The following KCNH1 variants were observed in gnomAD, a reference collection of about 807,000 sequenced individuals.
The protein encoded by KCNH1 is voltage-gated delayed rectifier potassium channel KCNH1.
KCNH1 carries 27 observed loss-of-function variants against 69.2 expected under a neutral mutation model. The ratio of observed to expected loss-of-function variants is 0.39; its 90% CI spans 0.29 to 0.54. The LOEUF (loss-of-function observed/expected upper bound fraction) is 0.54. Ranked by LOEUF, KCNH1 falls within the 20% of genes least tolerant of loss-of-function variation. The pLI is 0.68. For missense variants in KCNH1, 798 were observed against 1,261.6 expected, an observed-to-expected ratio of 0.63 and a Z score of 5.57; for synonymous variants, 456 against 487.7, an observed-to-expected ratio of 0.93 and a Z score of 0.86.
At chr1:210,709,146 G>C (rs1681990382) in intron 10 of KCNH1, among the ~76,000 whole-genome samples, 1 of 152,188 alleles carries the variant, frequency 6.6e-6, no homozygotes, top group Admixed American at 6.5e-5. Flanking sequence ...CTACTCAGGA[G>C]GCTGAAGCAA....
intron 9 of KCNH1, 103 bp downstream of exon 9, chr1:210,797,405 C>A: frequency 1.5e-6 from 2 of 1,300,318 alleles, no homozygotes; most frequent in Non-Finnish European, 2.2e-6. Context: ...ATTGGCCCTG[C>A]CCTATGAAGC....
At chr1:210,806,855 A>AT (rs1553346606) in intron 7 of KCNH1, among the ~76,000 whole-genome samples, 1 of 127,348 alleles carries the variant, frequency 7.9e-6, no homozygotes, top group African/African-American at 3.0e-5. Flanking sequence ...ATATATATAT[A>AT]AATTTGCCGG....
At chr1:210,729,098 A>G (rs1682679954) in intron 10 of KCNH1, among the ~76,000 whole-genome samples, 1 of 152,268 alleles carries the variant, frequency 6.6e-6, no homozygotes, top group Admixed American at 6.5e-5. Flanking sequence ...CTATTTGGGC[A>G]GAAAAGGGTT....
rs1553346543 is a variant in KCNH1 at position 210,806,822 on chromosome 1, A to AT, written c.1463-2657_1463-2656insA. Among the ~76,000 whole-genome samples, 49 of 42,094 alleles carry AT rather than the reference A, an allele frequency of 1.2e-3. 2 individuals are homozygous for AT. The highest frequency in any genetic ancestry group is 5.8e-3 in the South Asian group (4 of 690). The allele number at this position is 42,094 out of a possible 152,430, so 27.6% of individuals were successfully genotyped here. A position where few individuals can be genotyped will look rare whatever the true frequency, so the allele number is the denominator to read the frequency against. On this transcript the variant is annotated intron_variant, in intron 7 of 10. Transcript: ENST00000271751. The stretch of plus-strand genomic sequence containing the variant: ...CCATCTCTACCAAAAAAAAAAAAAA[A>AT]AAAAAAAAAAAAAAATATATATATA...
intron 7 of KCNH1, among the ~76,000 whole-genome samples, chr1:210,912,374 C>T (rs1401641385): frequency 6.6e-6 from 1 of 152,026 alleles, no homozygotes; most frequent in Non-Finnish European, 1.5e-5. Flanking sequence ...CTTCCCTTAA[C>T]TTGCTCTGCA....
At chr1:210,779,357 C>T (rs1683928664) in intron 9 of KCNH1, among the ~76,000 whole-genome samples, 1 of 152,196 alleles carries the variant, frequency 6.6e-6, no homozygotes, top group South Asian at 2.1e-4. Flanking sequence ...AAACTCAGGA[C>T]TATTCTGGCA....
At chr1:210,754,833 A>C (rs1466618654) in intron 10 of KCNH1, among the ~76,000 whole-genome samples, 1 of 131,294 alleles carries the variant, frequency 7.6e-6, no homozygotes, top group Non-Finnish European at 1.6e-5. Flanking sequence ...CTGATACACA[A>C]GTACACACGG....
chr1:210,830,256 A>G (rs1451984238), intron 7 of KCNH1, among the ~76,000 whole-genome samples: 1 of 152,172 alleles, frequency 6.6e-6, no homozygotes, highest in Non-Finnish European at 1.5e-5. Flanking sequence ...ACTTCGTTCA[A>G]GCATCACCTC....
intron 9 of KCNH1, among the ~76,000 whole-genome samples, chr1:210,782,972 A>T (rs1424382852): frequency 1.3e-5 from 2 of 152,210 alleles, no homozygotes; most frequent in Non-Finnish European, 2.9e-5. Flanking sequence ...GCTGGAATAG[A>T]CTAAGACACC....
chr1:210,820,082 G>C lies in KCNH1; in HGVS notation c.1463-15916C>G, dbSNP rs1684898622. On this transcript the variant is annotated intron_variant, in intron 7 of 10. Coordinates refer to ENST00000271751, the MANE Select transcript of KCNH1 (RefSeq NM_172362.3). ...ATTCTTCATCCATGGAAGCCAGAAA[G>C]ATAAATTATTGTTGTTGTTTTAAGC... Among the ~76,000 whole-genome samples, 3 of 152,230 alleles carry C rather than the reference G, an allele frequency of 2.0e-5. No homozygotes were observed. In the South Asian group the frequency reaches 6.2e-4, roughly 31 times the overall value.
intron 1 of KCNH1, among the ~76,000 whole-genome samples, chr1:211,124,628 A>AAGAG (rs535465737): frequency 2.6e-5 from 4 of 151,268 alleles, no homozygotes; most frequent in African/African-American, 4.8e-5. Flanking sequence ...GAAAGAAAGA[A>AAGAG]AGAGAGAGAG....
At chr1:210,768,325 G>A (rs777295777) in intron 10 of KCNH1, among the ~76,000 whole-genome samples, 10 of 152,094 alleles carry the variant, frequency 6.6e-5, no homozygotes, top group Non-Finnish European at 1.3e-4. Flanking sequence ...GAGAGGTTAG[G>A]TAACTGGCCT....
intron 7 of KCNH1, among the ~76,000 whole-genome samples, chr1:210,855,087 T>A (rs2102472009): frequency 6.6e-6 from 1 of 152,212 alleles, no homozygotes; most frequent in South Asian, 2.1e-4. Flanking sequence ...ATGGTATGAG[T>A]GTGAGAGAGT....
intron 7 of KCNH1, among the ~76,000 whole-genome samples, chr1:210,822,804 T>C (rs1684957367): frequency 6.6e-6 from 1 of 152,170 alleles, no homozygotes; most frequent in Non-Finnish European, 1.5e-5. Context: ...TGTCAGTCTC[T>C]CCAAGGTTCT....
At chr1:210,747,223 TC>T (rs1180974571) in intron 10 of KCNH1, among the ~76,000 whole-genome samples, 1 of 152,102 alleles carries the variant, frequency 6.6e-6, no homozygotes, top group Non-Finnish European at 1.5e-5. Context: ...TGTGCCTATC[TC>T]CCCTGATGTT....
chr1:211,082,773 C>G lies in KCNH1; in HGVS notation c.558+7G>C. ...AGGCTCAAGATGAGCTAACCCTTTG[C>G]CCTTACCTCTGCCAGGCGGGAGTGC... On this transcript the variant is annotated splice_region_variant and intron_variant, in intron 5 of 10. Coordinates refer to ENST00000271751, the MANE Select transcript of KCNH1 (RefSeq NM_172362.3). 6.2e-7 allele frequency: 1 copy of G among 1,609,338 alleles called. No homozygotes were observed. The highest frequency in any genetic ancestry group is 8.5e-7 in the Non-Finnish European group (1 of 1,176,156).
intron 9 of KCNH1, among the ~76,000 whole-genome samples, chr1:210,796,556 C>T (rs892401314): frequency 1.3e-4 from 20 of 152,150 alleles, no homozygotes; most frequent in Admixed American, 7.9e-4. Flanking sequence ...CACGTTCCCC[C>T]GCATCCCTGC....
At chr1:210,739,329 C>G (rs561255297) in intron 10 of KCNH1, among the ~76,000 whole-genome samples, 31 of 152,230 alleles carry the variant, frequency 2.0e-4, no homozygotes, top group Non-Finnish European at 4.6e-4. Flanking sequence ...CCCATCCTGA[C>G]TAGAACTACA....
At chr1:211,117,823 T>C (rs1691609273) in intron 1 of KCNH1, among the ~76,000 whole-genome samples, 1 of 152,166 alleles carries the variant, frequency 6.6e-6, no homozygotes, top group Admixed American at 6.5e-5. Context: ...CAATAAAATA[T>C]GACTGTCTAA....
Sources: gnomAD v4.1 joint callset for allele counts (sites outside exome capture counted in the v4.1 genomes callset) on GRCh38, gnomAD v4.1.1 for gene constraint, MANE v1.5 for transcripts, NCBI Gene and HGNC (gene_info 2026-07-23, HGNC 2026-07-21) for gene names.